Variants in PTGFRN observed in about 807,000 individuals in gnomAD.
PTGFRN encodes the protein prostaglandin F2 receptor negative regulator.
In PTGFRN, 35 loss-of-function variants were observed where a neutral mutation model predicts 83.2. That is an observed-to-expected ratio of 0.42 (90% confidence interval 0.32 to 0.56). PTGFRN has a LOEUF of 0.56. Among genes scored for constraint, PTGFRN ranks in the 20% least tolerant of loss-of-function variants. The pLI is 0.11. For synonymous variants in PTGFRN, 519 were observed against 498.6 expected (o/e 1.04, Z -0.55); for missense variants, 1,051 against 1,179.5 (o/e 0.89, Z 1.60).
At chr1:116,937,597 A>T (rs1259812782) in intron 1 of PTGFRN, among the ~76,000 whole-genome samples, 3 of 152,194 alleles carry the variant, frequency 2.0e-5, no homozygotes, top group Non-Finnish European at 2.9e-5. Flanking sequence ...GAAGGATTGG[A>T]GAGTTCAGAC....
intron 7 of PTGFRN, among the ~76,000 whole-genome samples, chr1:116,983,292 CT>C (rs1179008159): frequency 6.6e-6 from 1 of 152,096 alleles, no homozygotes; most frequent in Non-Finnish European, 1.5e-5. Flanking sequence ...GGGATCAGGG[CT>C]TAGAGTCTGG....
At position 116,941,937 on chromosome 1, in the gene PTGFRN, A is replaced by C. The variant is rs201525760; in HGVS notation, c.272A>C (p.Glu91Ala). The C allele has an allele frequency of 9.9e-6, 16 of 1,614,078 alleles. No homozygotes were observed. The highest frequency in any genetic ancestry group is 1.4e-5 in the Non-Finnish European group (16 of 1,180,044). ...TACCAGGAGCGGCTGCAGAGGGGCGAGATCCTGTTAAGGCGGACTGCCAAC... is the reference window on the plus strand; with the variant it reads ...TACCAGGAGCGGCTGCAGAGGGGCGCGATCCTGTTAAGGCGGACTGCCAAC... ...QLYQERLQRG[E>A]ILLRRTANDA... Residue 91 changes from glutamate to alanine, a missense_variant, in exon 2 of 9, where the codon GAG (glutamate) becomes GCG (alanine). Around this residue, in one of 3 missense-constraint regions of PTGFRN, gnomAD observed 127 missense variants for 168.4 expected, o/e 0.75. Transcript: ENST00000393203. This position sits in a 1 kb window ranked among gnomAD's most constrained non-coding sequence, Gnocchi z 5.0.
Position 116,967,212 on chromosome 1 carries a change from C to G in PTGFRN, c.1941C>G (p.Val647=). Residue 647 remains valine (V), a synonymous_variant, in exon 6 of 9, where the codon GTC becomes GTG. Transcript: ENST00000393203. ...GCTATCGAATGTACCAGACTCAGGT[C>G]TCAGACGCAGGGCTGTACCGCTGCA... is the stretch of plus-strand genomic sequence containing the variant. The part of the protein sequence containing the change: ...EFRYRMYQTQ[V]SDAGLYRCMV... The G allele has an allele frequency of 1.2e-6, 2 of 1,614,196 alleles. No homozygotes were observed. The highest frequency in any genetic ancestry group is 1.7e-6 in the Non-Finnish European group (2 of 1,180,044).
intron 1 of PTGFRN, among the ~76,000 whole-genome samples, chr1:116,932,237 A>G (rs909530556): frequency 4.6e-5 from 7 of 152,204 alleles, no homozygotes; most frequent in Non-Finnish European, 8.8e-5. Flanking sequence ...GTCTTTCTTA[A>G]TGATTCCTCA....
At chr1:116,925,868 T>G (rs1010699445) in intron 1 of PTGFRN, among the ~76,000 whole-genome samples, 1 of 152,162 alleles carries the variant, frequency 6.6e-6, no homozygotes, top group Non-Finnish European at 1.5e-5. Flanking sequence ...AAATACTGAA[T>G]GAAGGAATGA....
chr1:116,935,177 C>T (rs550823603), intron 1 of PTGFRN, among the ~76,000 whole-genome samples: 2 of 152,198 alleles, frequency 1.3e-5, no homozygotes, highest in Non-Finnish European at 2.9e-5. Context: ...AAGCTCACTT[C>T]TCTGCTGTTG....
At chr1:116,919,535 C>A (rs1206200575) in intron 1 of PTGFRN, among the ~76,000 whole-genome samples, 1 of 152,158 alleles carries the variant, frequency 6.6e-6, no homozygotes, top group African/African-American at 2.4e-5. Context: ...GCAGCCGGAA[C>A]CAGCTAATGC....
At chr1:116,975,505 G>A (rs1570677130) in intron 7 of PTGFRN, among the ~76,000 whole-genome samples, 1 of 152,164 alleles carries the variant, frequency 6.6e-6, no homozygotes, top group Non-Finnish European at 1.5e-5. Context: ...TCACATGGCC[G>A]GGTACCCCTC....
intron 7 of PTGFRN, among the ~76,000 whole-genome samples, chr1:116,981,195 C>T (rs1042315144): frequency 6.6e-6 from 1 of 152,106 alleles, no homozygotes; most frequent in South Asian, 2.1e-4. Context: ...ACATTAAATG[C>T]ACTCAGGGGA....
At chr1:116,979,982 G>A (rs946322206) in intron 7 of PTGFRN, among the ~76,000 whole-genome samples, 3 of 151,998 alleles carry the variant, frequency 2.0e-5, no homozygotes, top group Admixed American at 6.6e-5. Context: ...TCTGACAAAG[G>A]GCTAATATCC....
chr1:116,959,618 A>G (rs1650591123), intron 4 of PTGFRN, among the ~76,000 whole-genome samples: 1 of 152,204 alleles, frequency 6.6e-6, no homozygotes, highest in Non-Finnish European at 1.5e-5. Flanking sequence ...TGATAAATGG[A>G]GAGTTCTGTT....
chr1:116,987,999 A>G lies in PTGFRN; in HGVS notation c.*1032A>G, dbSNP rs4620527. ...TGGGGGGCAAAGGCATTGGTCACCAAGAGTCTTGCAGGGGGACCCACAGAT... is the reference window on the plus strand; with the variant it reads ...TGGGGGGCAAAGGCATTGGTCACCAGGAGTCTTGCAGGGGGACCCACAGAT... On this transcript the variant is annotated 3_prime_UTR_variant, in exon 9 of 9. Coordinates refer to ENST00000393203, the MANE Select transcript of PTGFRN (RefSeq NM_020440.4). The G allele has an allele frequency of 0.2, 30,425 of 152,198 alleles. 3,899 individuals carry two copies. The highest frequency in any genetic ancestry group is 0.36 in the Admixed American group (5,494 of 15,278). The allele number at this position is 152,198 out of a possible 1,614,324, so 9.4% of individuals were successfully genotyped here. A position where few individuals can be genotyped will look rare whatever the true frequency, so the allele number is the denominator to read the frequency against.
At position 116,961,518 on chromosome 1, in the gene PTGFRN, A is replaced by T. The variant is rs1180039095; in HGVS notation, c.1489A>T (p.Thr497Ser). ...DFIFSKEHTD[T>S]FNFRIQRTTE... ...TATTTTTTCTAAGGAACATACAGAC[A>T]CGTTCAATTTCCGGATCCAAAGGAC... The change falls in exon 5 of 9, where the codon ACG becomes TCG. Residue 497 changes from threonine (T) to serine (S), a missense_variant. Coordinates refer to ENST00000393203, the MANE Select transcript of PTGFRN (RefSeq NM_020440.4). This position sits in a 1 kb window ranked among gnomAD's most constrained non-coding sequence, Gnocchi z 5.4. 4.3e-6 allele frequency: 7 copies of T among 1,614,150 alleles called. No homozygotes were observed. In the Admixed American group the frequency reaches 1.2e-4, roughly 27 times the overall value.
At chr1:116,974,478 AT>A (rs1317197544) in intron 7 of PTGFRN, 155 bp downstream of exon 7, 3 of 533,694 alleles carry the variant, frequency 5.6e-6, no homozygotes, top group Middle Eastern at 2.9e-4. Context: ...TAAGTGTTTA[AT>A]AAATACATGT....
At chr1:116,966,150 G>A (rs554443524) in intron 5 of PTGFRN, among the ~76,000 whole-genome samples, 2 of 152,350 alleles carry the variant, frequency 1.3e-5, no homozygotes, top group East Asian at 3.9e-4. Context: ...CCAAGTGCCT[G>A]ACGTTGTGCT....
At chr1:116,932,636 G>A (rs2491111) in intron 1 of PTGFRN, among the ~76,000 whole-genome samples, 22,504 of 152,070 alleles carry the variant, frequency 0.15, 2,916 homozygotes, top group African/African-American at 0.35. Context: ...TCTCTCATCT[G>A]TCTACTTCAC....
At chr1:116,966,132 A>C (rs1288868993) in intron 5 of PTGFRN, among the ~76,000 whole-genome samples, 2 of 152,284 alleles carry the variant, frequency 1.3e-5, no homozygotes, top group Admixed American at 1.3e-4. Context: ...CAAATATTTA[A>C]GCACCTTCCA....
chr1:116,950,432 G>A (rs1650313668), intron 4 of PTGFRN, among the ~76,000 whole-genome samples: 1 of 109,498 alleles, frequency 9.1e-6, no homozygotes, highest in Non-Finnish European at 2.2e-5. Context: ...ATTCCCCCCT[G>A]TTTTGATCTC....
At chr1:116,929,755 C>T (rs1261007191) in intron 1 of PTGFRN, among the ~76,000 whole-genome samples, 1 of 152,180 alleles carries the variant, frequency 6.6e-6, no homozygotes, top group Non-Finnish European at 1.5e-5. Context: ...ACACAGTTTT[C>T]TTGCAGGCAG....
Sources: allele counts gnomAD v4.1 joint callset (sites outside exome capture counted in the v4.1 genomes callset), GRCh38; gene constraint gnomAD v4.1.1; regional missense constraint gnomAD v4.1.1; non-coding constraint Gnocchi (gnomAD v3.1); transcripts MANE v1.5; gene names NCBI Gene and HGNC (gene_info 2026-07-23, HGNC 2026-07-21).